The following TBC1D22A variants were observed in gnomAD, a reference collection of about 807,000 sequenced individuals.
TBC1D22A encodes putative GTPase activator.
TBC1D22A carries 38 observed loss-of-function variants against 60.2 expected under a neutral mutation model. The observed-to-expected ratio is 0.63, with a 90% CI of 0.49 to 0.83. The LOEUF (loss-of-function observed/expected upper bound fraction) is 0.83. Ranked by LOEUF, TBC1D22A falls within the 40% of genes least tolerant of loss-of-function variation. The probability of loss-of-function intolerance (pLI) is 0.00; values close to 1 mark genes in which losing one functional copy is unlikely to be tolerated. For synonymous variants in TBC1D22A, 302 were observed against 281.7 expected, an observed-to-expected ratio of 1.07 and a Z score of -0.72; for missense variants, 628 against 701.0, an observed-to-expected ratio of 0.90 and a Z score of 1.18.
At chr22:46,769,918 G>A (rs1246945431) in intron 1 of TBC1D22A, among the ~76,000 whole-genome samples, 3 of 152,082 alleles carry the variant, frequency 2.0e-5, no homozygotes, top group African/African-American at 4.8e-5. Flanking sequence ...GGGTGCTGGG[G>A]GTCGAGGTGA....
intron 9 of TBC1D22A, among the ~76,000 whole-genome samples, chr22:46,989,464 T>C (rs1024695928): frequency 5.9e-5 from 9 of 152,198 alleles, no homozygotes; most frequent in African/African-American, 2.2e-4. Flanking sequence ...TCTTTCTTTA[T>C]TTGAACACTT....
chr22:46,844,821 G>A (rs960781971), intron 4 of TBC1D22A, among the ~76,000 whole-genome samples: 3 of 152,288 alleles, frequency 2.0e-5, no homozygotes, highest in Non-Finnish European at 4.4e-5. Context: ...AGGCCCAGGG[G>A]TCCTACTGGG....
intron 1 of TBC1D22A, among the ~76,000 whole-genome samples, chr22:46,772,549 C>T (rs1263161385): frequency 1.5e-5 from 1 of 65,528 alleles, no homozygotes; most frequent in Non-Finnish European, 2.9e-5. Flanking sequence ...TATATGTATA[C>T]ACACATATAC....
At chr22:47,159,623 A>T (rs28769016) in intron 12 of TBC1D22A, among the ~76,000 whole-genome samples, 2 of 151,942 alleles carry the variant, frequency 1.3e-5, no homozygotes, top group African/African-American at 4.8e-5. Context: ...CACTATACAC[A>T]CACACCACAC....
At chr22:46,972,118 G>A (rs1156869323) in intron 8 of TBC1D22A, among the ~76,000 whole-genome samples, 2 of 152,010 alleles carry the variant, frequency 1.3e-5, no homozygotes, top group African/African-American at 4.8e-5. Context: ...GAGAGTGAGG[G>A]CCTGGTTGCA....
intron 7 of TBC1D22A, among the ~76,000 whole-genome samples, chr22:46,902,902 A>G (rs543001721): frequency 5.3e-5 from 8 of 150,352 alleles, no homozygotes; most frequent in African/African-American, 2.0e-4. Context: ...GATCATATAC[A>G]GTTGTCAATG....
At chr22:46,778,816 G>A (rs1176539908) in intron 1 of TBC1D22A, among the ~76,000 whole-genome samples, 4 of 152,226 alleles carry the variant, frequency 2.6e-5, no homozygotes, top group Non-Finnish European at 5.9e-5. Context: ...GGCCAAGGCA[G>A]GTAGATCACC....
In TBC1D22A at chr22:47,028,616, G is replaced by A. The variant is rs940317946; in HGVS notation, c.1202-8455G>A. Reference sequence around the variant, plus strand: ...AATCTGGTATGACCTCTTCTGTCTCGCCTGCCTGTGCATACTTAGCTGTGT... The same window carrying A: ...AATCTGGTATGACCTCTTCTGTCTCACCTGCCTGTGCATACTTAGCTGTGT... On this transcript the variant is annotated intron_variant, in intron 10 of 12. Transcript: ENST00000337137. The surrounding 1 kb of genome is among the most constrained non-coding windows in gnomAD (Gnocchi z 4.4). 1.3e-5 allele frequency among the ~76,000 whole-genome samples: 2 copies of A among 151,756 alleles called. No homozygotes were observed. Among genetic ancestry groups the A allele is most frequent in the South Asian group, 2.1e-4 (1 of 4,792 alleles).
At chr22:46,894,652 C>T (rs556420127) in intron 6 of TBC1D22A, 132 bp from the exon 7 acceptor site, 21 of 1,063,526 alleles carry the variant, frequency 2.0e-5, no homozygotes, top group Admixed American at 3.8e-5. Context: ...ACATGGAGAA[C>T]GAGAATCCTC....
intron 1 of TBC1D22A, among the ~76,000 whole-genome samples, chr22:46,784,270 C>G (rs1013688868): frequency 1.3e-5 from 2 of 152,170 alleles, no homozygotes; most frequent in Middle Eastern, 3.4e-3. Context: ...TCTTGAACTC[C>G]TGGTCTCAAG....
chr22:47,005,117 ACT>A (rs1450775659), intron 10 of TBC1D22A, among the ~76,000 whole-genome samples: 1 of 151,432 alleles, frequency 6.6e-6, no homozygotes, highest in Admixed American at 6.6e-5. Flanking sequence ...GTATTCACAC[ACT>A]CTTACACACG....
chr22:46,907,251 C>G (rs2069554621), intron 7 of TBC1D22A, among the ~76,000 whole-genome samples: 1 of 152,362 alleles, frequency 6.6e-6, no homozygotes, highest in East Asian at 1.9e-4. Context: ...CGTCACCTCT[C>G]TGCAGTCTCC....
At chr22:47,033,690 C>T (rs1479088990) in intron 10 of TBC1D22A, among the ~76,000 whole-genome samples, 4 of 152,176 alleles carry the variant, frequency 2.6e-5, no homozygotes, top group East Asian at 1.9e-4. Context: ...GGAGTTTTGA[C>T]GTCTGGGTAG....
chr22:46,764,895 G>GT (rs2083233325), intron 1 of TBC1D22A, among the ~76,000 whole-genome samples: 1 of 152,218 alleles, frequency 6.6e-6, no homozygotes, highest in African/African-American at 2.4e-5. Context: ...TTGATTTTGG[G>GT]TTTTTGGCGT....
chr22:46,795,152 C>T (rs747662012), intron 3 of TBC1D22A, among the ~76,000 whole-genome samples: 26 of 152,140 alleles, frequency 1.7e-4, no homozygotes, highest in Non-Finnish European at 2.8e-4. Context: ...ATGGCCTTTG[C>T]GGGAGGCTTG....
At position 47,075,222 on chromosome 22, in the gene TBC1D22A, C is replaced by CAAAAAAAAA. The variant is rs386395628; in HGVS notation, c.1330-36280_1330-36272dup. On this transcript the variant is annotated intron_variant, in intron 11 of 12. Transcript: ENST00000337137. ...TGGGCGACAGAGCGAGATTCCGTCT[C>CAAAAAAAAA]AAAAAAAAAAAAAAGAGAACCAAAG... is the stretch of plus-strand genomic sequence containing the variant. 7.0e-4 allele frequency among the ~76,000 whole-genome samples: 80 copies of CAAAAAAAAA among 114,074 alleles called. 1 individual carries two copies. The highest frequency in any genetic ancestry group is 2.4e-3 in the African/African-American group (68 of 28,372). The allele number at this position is 114,074 out of a possible 152,430, so 74.8% of individuals were successfully genotyped here.
intron 9 of TBC1D22A, among the ~76,000 whole-genome samples, chr22:46,987,169 TGCCCCCTGTACG>T (rs1569307136): frequency 6.6e-6 from 1 of 152,212 alleles, no homozygotes; most frequent in Non-Finnish European, 1.5e-5. Flanking sequence ...TCAGAAGTCA[TGCCCCCTGTACG>T]CTTTTGGTGG....
At chr22:47,085,869 G>A (rs1042846080) in intron 11 of TBC1D22A, among the ~76,000 whole-genome samples, 19 of 152,172 alleles carry the variant, frequency 1.2e-4, no homozygotes, top group African/African-American at 4.1e-4. Flanking sequence ...CTTTTTAGAA[G>A]AAATCACACT....
In TBC1D22A at chr22:46,908,756, G is replaced by A. The variant is rs117895688; in HGVS notation, c.901-3318G>A. The stretch of plus-strand genomic sequence containing the variant: ...CTGGGTCTTTGGGTTGCCTGTGAAA[G>A]GGCACTCACTTGGCAGGTGCTTCAG... On this transcript the variant is annotated intron_variant, in intron 7 of 12. Transcript: ENST00000337137. Among the ~76,000 whole-genome samples the A allele has an allele frequency of 2.3e-3, 353 of 152,326 alleles. 6 individuals are homozygous for A. In the East Asian group the frequency reaches 0.057, roughly 25 times the overall value.
Sources: allele counts gnomAD v4.1 joint callset (sites outside exome capture counted in the v4.1 genomes callset), GRCh38; gene constraint gnomAD v4.1.1; non-coding constraint Gnocchi (gnomAD v3.1); transcripts MANE v1.5; gene names NCBI Gene and HGNC (gene_info 2026-07-23, HGNC 2026-07-21).